The following BMP2K variants were observed in gnomAD, a reference collection of about 807,000 sequenced individuals.
BMP2K encodes the protein BMP-2-inducible protein kinase.
In BMP2K, 74 loss-of-function variants were observed where a neutral mutation model predicts 116.0. The ratio of observed to expected loss-of-function variants is 0.64; its 90% CI spans 0.53 to 0.77. The LOEUF (loss-of-function observed/expected upper bound fraction) is 0.77. Among genes scored for constraint, BMP2K ranks in the 30% least tolerant of loss-of-function variants. The pLI is 0.00. For missense variants in BMP2K, 1,365 were observed against 1,403.6 expected, an observed-to-expected ratio of 0.97 and a Z score of 0.44; for synonymous variants, 486 against 502.5, an observed-to-expected ratio of 0.97 and a Z score of 0.44.
At chr4:78,850,882 T>C (rs778344910) in intron 6 of BMP2K, 42 bp from the exon 7 acceptor site, 1 of 1,594,760 alleles carries the variant, frequency 6.3e-7, no homozygotes, top group African/African-American at 1.4e-5. Flanking sequence ...TGTGTCTTGT[T>C]AACTTGAGCT....
chr4:78,799,956 T>G (rs1437377943), intron 1 of BMP2K, among the ~76,000 whole-genome samples: 1 of 152,176 alleles, frequency 6.6e-6, no homozygotes, highest in East Asian at 1.9e-4. Flanking sequence ...GAATATTAAG[T>G]GCGGGGAATA....
chr4:78,850,748 G>A (rs1731211829), intron 6 of BMP2K, 176 bp from the exon 7 acceptor site: 1 of 511,432 alleles, frequency 2.0e-6, no homozygotes, highest in Non-Finnish European at 3.1e-6. Flanking sequence ...TCATGGAAAT[G>A]ATATAGTTAA....
At chr4:78,868,179 G>T (rs762606239) in intron 10 of BMP2K, among the ~76,000 whole-genome samples, 1 of 152,148 alleles carries the variant, frequency 6.6e-6, no homozygotes, top group African/African-American at 2.4e-5. Flanking sequence ...GGTTTAATTG[G>T]ACTTGCATTT....
chr4:78,796,130 T>G lies in BMP2K; in HGVS notation c.178+19409T>G, dbSNP rs576757921. ...AGCAGCATTCACAATAGCAAAGACTTGGAACCAAGCCAAATGTCCAACAAT... is the reference window on the plus strand; with the variant it reads ...AGCAGCATTCACAATAGCAAAGACTGGGAACCAAGCCAAATGTCCAACAAT... On this transcript the variant is annotated intron_variant, in intron 1 of 15. Transcript: ENST00000502613. Among the ~76,000 whole-genome samples, 950 of 152,166 alleles carry G rather than the reference T, an allele frequency of 6.2e-3. 2 individuals are homozygous for G. The highest frequency in any genetic ancestry group is 9.9e-3 in the Non-Finnish European group (671 of 68,010).
At chr4:78,829,793 TTCTCTTCTCTTCTCTTCTC>T (rs1560518729) in intron 2 of BMP2K, among the ~76,000 whole-genome samples, 383 of 80,950 alleles carry the variant, frequency 4.7e-3, no homozygotes, top group African/African-American at 0.016. Context: ...TTCTTTTCTC[TTCTCTTCTCTTCTCTTCTC>T]TTCTCTTCTC....
chr4:78,813,728 T>G (rs1729199908), intron 1 of BMP2K, among the ~76,000 whole-genome samples: 1 of 152,182 alleles, frequency 6.6e-6, no homozygotes, highest in Admixed American at 6.5e-5. Flanking sequence ...GTACCTTGAT[T>G]AAACATTTCA....
At chr4:78,835,441 C>T (rs189948626) in intron 3 of BMP2K, among the ~76,000 whole-genome samples, 50 of 151,636 alleles carry the variant, frequency 3.3e-4, no homozygotes, top group African/African-American at 1.1e-3. Flanking sequence ...CTGGCTAACA[C>T]GGTGAAACCC....
At chr4:78,778,562 A>G (rs1013709653) in intron 1 of BMP2K, among the ~76,000 whole-genome samples, 1 of 152,208 alleles carries the variant, frequency 6.6e-6, no homozygotes, top group Non-Finnish European at 1.5e-5. Context: ...TTAATTTCCT[A>G]GAAGGGAGGC....
Position 78,829,753 on chromosome 4 carries a change from A to ATCTTTTTTCTTTTCTTTTCTTTTCTTT in BMP2K, c.297+3604_297+3605insTTCTTTTCTTTTCTTTTCTTTTCTTTT, listed in dbSNP as rs1553915807. 2.3e-4 allele frequency among the ~76,000 whole-genome samples: 28 copies of ATCTTTTTTCTTTTCTTTTCTTTTCTTT among 122,078 alleles called. 1 individual carries two copies. The highest frequency in any genetic ancestry group is 9.6e-4 in the African/African-American group (28 of 29,126). The allele number at this position is 122,078 out of a possible 152,430, so 80.1% of individuals were successfully genotyped here. A position where few individuals can be genotyped will look rare whatever the true frequency, so the allele number is the denominator to read the frequency against. On this transcript the variant is annotated intron_variant, in intron 2 of 15. Coordinates refer to ENST00000502613, the MANE Select transcript of BMP2K (RefSeq NM_198892.2). ...TGTTGTGTTAGCAGGCATGGAAACA[A>ATCTTTTTTCTTTTCTTTTCTTTTCTTT]TCTTTTCTTTTCTTTTCTTTTCTTT...
At chr4:78,897,739 C>T (rs945738406) in intron 15 of BMP2K, among the ~76,000 whole-genome samples, 1 of 152,252 alleles carries the variant, frequency 6.6e-6, no homozygotes, top group East Asian at 1.9e-4. Context: ...CTTCTACCTT[C>T]TAATTTCCCA....
chr4:78,827,964 G>A (rs1729961597), intron 2 of BMP2K, among the ~76,000 whole-genome samples: 1 of 152,170 alleles, frequency 6.6e-6, no homozygotes, highest in South Asian at 2.1e-4. Flanking sequence ...GTGTCCAGTA[G>A]AATCCAGCAG....
intron 2 of BMP2K, among the ~76,000 whole-genome samples, chr4:78,827,379 T>G (rs1729925026): frequency 6.6e-6 from 1 of 152,224 alleles, no homozygotes; most frequent in South Asian, 2.1e-4. Context: ...ACTTGCCAGC[T>G]ATGTTCAGGG....
chr4:78,795,228 C>T lies in BMP2K; in HGVS notation c.178+18507C>T, dbSNP rs1237854662. ...TCAATAGACTACAAACTCACACATA[C>T]GGTGTCCCATTTAAAACGTATTCCA... is the stretch of plus-strand genomic sequence containing the variant. On this transcript the variant is annotated intron_variant, in intron 1 of 15. Transcript: ENST00000502613. 8.5e-5 allele frequency among the ~76,000 whole-genome samples: 13 copies of T among 152,300 alleles called. No homozygotes were observed. In the South Asian group the frequency reaches 2.3e-3, roughly 27 times the overall value.
intron 1 of BMP2K, among the ~76,000 whole-genome samples, chr4:78,805,351 C>T (rs62310804): frequency 0.062 from 9,493 of 152,134 alleles, 406 homozygotes; most frequent in East Asian, 0.22. Flanking sequence ...AGTGTGAGTC[C>T]TCTAACTTTG....
chr4:78,886,340 T>G (rs1355135185), intron 14 of BMP2K, among the ~76,000 whole-genome samples: 1 of 152,240 alleles, frequency 6.6e-6, no homozygotes, highest in African/African-American at 2.4e-5. Flanking sequence ...ACCTAGTAAC[T>G]AATAGAATCA....
In BMP2K at chr4:78,856,587, A is replaced by C. The variant is rs1024991325; in HGVS notation, c.884-2997A>C. 5.9e-5 allele frequency among the ~76,000 whole-genome samples: 9 copies of C among 152,118 alleles called. No individual in the cohort carries two copies. The South Asian group carries it at 1.9e-3, about 32-fold the overall frequency. On this transcript the variant is annotated intron_variant, in intron 7 of 15. Transcript: ENST00000502613. ...AGAGATAAAAATGTAGCCAAGTTCT[A>C]CCTGTGGGTTTTAGGTATGATTATT...
At chr4:78,892,756 A>G (rs185371653) in intron 15 of BMP2K, among the ~76,000 whole-genome samples, 144 of 152,318 alleles carry the variant, frequency 9.5e-4, no homozygotes, top group African/African-American at 3.2e-3. Context: ...CATTTACGCT[A>G]TGCTGTAATC....
chr4:78,872,627 A>G lies in BMP2K; in HGVS notation c.1622A>G (p.Gln541Arg), dbSNP rs766541505. The change falls in exon 13 of 16, where the codon CAG becomes CGG. Residue 541 changes from glutamine (Q) to arginine (R), a missense_variant. Gln to Arg is a conservative substitution (Grantham distance 43, BLOSUM62 1). This residue lies in a region of BMP2K where 762 missense variants were observed against 756.7 expected (regional missense o/e 1.01). Coordinates refer to ENST00000502613, the MANE Select transcript of BMP2K (RefSeq NM_198892.2). The part of the protein sequence containing the change: ...SQYPTMMPQY[Q>R]QAFFQQQMLA... Reference sequence around the variant, plus strand: ...TTCTTTTTTCAGATGCCGCAGTATCAGCAGGCTTTCTTTCAACAGCAGATG... The same window carrying G: ...TTCTTTTTTCAGATGCCGCAGTATCGGCAGGCTTTCTTTCAACAGCAGATG... The G allele has an allele frequency of 8.1e-6, 13 of 1,614,008 alleles. No homozygotes were observed. The highest frequency in any genetic ancestry group is 1.1e-5 in the South Asian group (1 of 91,074).
Position 78,813,299 on chromosome 4 carries a change from A to G in BMP2K, c.179-12738A>G, listed in dbSNP as rs545455244. Among the ~76,000 whole-genome samples the G allele has an allele frequency of 1.4e-4, 21 of 152,258 alleles. No individual in the cohort carries two copies. In the South Asian group the frequency reaches 1.7e-3, roughly 12 times the overall value. On this transcript the variant is annotated intron_variant, in intron 1 of 15. Coordinates refer to ENST00000502613, the MANE Select transcript of BMP2K (RefSeq NM_198892.2). Reference sequence around the variant, plus strand: ...CTGCCCTGATCAAAACCACTATTAAATTGCAGCAGATTTACTGATTTCCCT... The same window carrying G: ...CTGCCCTGATCAAAACCACTATTAAGTTGCAGCAGATTTACTGATTTCCCT...
Sources: gnomAD v4.1 joint callset for allele counts (sites outside exome capture counted in the v4.1 genomes callset) on GRCh38, gnomAD v4.1.1 for gene constraint, gnomAD v4.1.1 regional missense constraint, MANE v1.5 for transcripts, NCBI Gene and HGNC (gene_info 2026-07-23, HGNC 2026-07-21) for gene names.